The following PRKAR1B variants were observed in gnomAD, a reference collection of about 807,000 sequenced individuals.
The protein encoded by PRKAR1B is protein kinase cAMP-dependent type I regulatory subunit beta.
Under a neutral mutation model 46.5 loss-of-function variants are expected in PRKAR1B, and 22 were observed. The ratio of observed to expected loss-of-function variants is 0.47; its 90% confidence interval spans 0.34 to 0.68. The LOEUF is 0.68. PRKAR1B is among the 30% of genes least tolerant of loss of function. PRKAR1B has a pLI of 0.01. For synonymous variants in PRKAR1B, 259 were observed against 217.7 expected (o/e 1.19, Z -1.67); for missense variants, 445 against 535.6 (o/e 0.83, Z 1.67).
At chr7:712,062 G>C (rs551545350) in intron 1 of PRKAR1B, among the ~76,000 whole-genome samples, 19 of 151,556 alleles carry the variant, frequency 1.3e-4, no homozygotes, top group Admixed American at 5.2e-4. Context: ...TGGCGGTGGT[G>C]GGGGGGTGGG....
chr7:640,765 A>AACACACACACAAACAC (rs1784346214), intron 4 of PRKAR1B, among the ~76,000 whole-genome samples: 2 of 108,188 alleles, frequency 1.8e-5, no homozygotes, highest in African/African-American at 7.5e-5. Context: ...CTCTGTCTCA[A>AACACACACACAAACAC]ACACACACAC....
chr7:579,782 A>C (rs756163672), intron 8 of PRKAR1B, among the ~76,000 whole-genome samples: 7 of 152,220 alleles, frequency 4.6e-5, no homozygotes, highest in Non-Finnish European at 1.0e-4. Context: ...GCTAAGCACA[A>C]AGCCTACTAA....
rs559263175 is a variant in PRKAR1B, at chr7:567,840, AAGG to A, written c.891+11413_891+11415del. Among the ~76,000 whole-genome samples, 889 of 151,532 alleles carry A rather than the reference AAGG, an allele frequency of 5.9e-3. 7 individuals are homozygous for A. The highest frequency in any genetic ancestry group is 8.3e-3 in the Non-Finnish European group (562 of 67,680). Reference sequence around the variant, plus strand: ...TAGAGTTCAAACTCATAGAGACAGAAAGGAGAAGGGTGGTTCTACTTTCTAGAA... The same window carrying A: ...TAGAGTTCAAACTCATAGAGACAGAAAGAAGGGTGGTTCTACTTTCTAGAA... On this transcript the variant is annotated intron_variant, in intron 9 of 10. Coordinates refer to ENST00000537384, the MANE Select transcript of PRKAR1B (RefSeq NM_001164760.2).
intron 4 of PRKAR1B, among the ~76,000 whole-genome samples, chr7:663,590 G>A (rs1193711315): frequency 6.6e-6 from 1 of 152,174 alleles, no homozygotes; most frequent in Non-Finnish European, 1.5e-5. Flanking sequence ...TCTCGGTCAG[G>A]AGGGGAGGGG....
At chr7:656,694 T>C (rs1157687852) in intron 4 of PRKAR1B, among the ~76,000 whole-genome samples, 1 of 152,142 alleles carries the variant, frequency 6.6e-6, no homozygotes, top group Non-Finnish European at 1.5e-5. Flanking sequence ...CATGAGTGAA[T>C]GGATGGATAA....
intron 7 of PRKAR1B, 60 bp downstream of exon 7, chr7:596,086 C>T (rs1781252938): frequency 1.3e-6 from 2 of 1,572,624 alleles, no homozygotes; most frequent in Non-Finnish European, 8.7e-7. Flanking sequence ...AGCTAGGGTT[C>T]CCAGGGACGC....
chr7:617,175 G>A (rs1583308936), intron 4 of PRKAR1B, among the ~76,000 whole-genome samples: 1 of 151,958 alleles, frequency 6.6e-6, no homozygotes, highest in East Asian at 1.9e-4. Context: ...TGTGTTTTCA[G>A]TAGAGACAGG....
chr7:669,781 T>C (rs1026980508), intron 4 of PRKAR1B, among the ~76,000 whole-genome samples: 2 of 150,334 alleles, frequency 1.3e-5, no homozygotes, highest in African/African-American at 4.9e-5. Context: ...AAGAAAAGGT[T>C]AAAATTGCAA....
At chr7:551,189 G>A (rs927692952) in intron 10 of PRKAR1B, among the ~76,000 whole-genome samples, 200 bp downstream of exon 10, 2 of 152,074 alleles carry the variant, frequency 1.3e-5, no homozygotes, top group Admixed American at 6.5e-5. Flanking sequence ...CGTTGCTCCT[G>A]GGGACCCAGA....
chr7:582,112 G>A (rs547715863), intron 8 of PRKAR1B, among the ~76,000 whole-genome samples: 1 of 152,362 alleles, frequency 6.6e-6, no homozygotes, highest in South Asian at 2.1e-4. Flanking sequence ...ACCTGACAAG[G>A]GCAGCCTGCA....
chr7:574,039 G>C (rs776448999), intron 9 of PRKAR1B, among the ~76,000 whole-genome samples: 2 of 152,232 alleles, frequency 1.3e-5, no homozygotes, highest in Admixed American at 1.3e-4. Context: ...CCTCTGTTCA[G>C]GGGTGAGAAC....
chr7:576,483 C>T (rs1779843583), intron 9 of PRKAR1B, among the ~76,000 whole-genome samples: 1 of 152,190 alleles, frequency 6.6e-6, no homozygotes, highest in South Asian at 2.1e-4. Context: ...GCCTGCTGTA[C>T]TTTTAGGTTG....
At chr7:697,929 G>C (rs889212300) in intron 2 of PRKAR1B, among the ~76,000 whole-genome samples, 1 of 93,782 alleles carries the variant, frequency 1.1e-5, no homozygotes, top group African/African-American at 4.2e-5. Context: ...GAGGGGAGGG[G>C]AGGGAAGGGA....
At chr7:585,210 C>T (rs1780527836) in intron 7 of PRKAR1B, among the ~76,000 whole-genome samples, 1 of 152,160 alleles carries the variant, frequency 6.6e-6, no homozygotes, top group South Asian at 2.1e-4. Flanking sequence ...TCTTTAAGCA[C>T]ACACATCCCA....
At chr7:618,627 G>A (rs1164883028) in intron 4 of PRKAR1B, among the ~76,000 whole-genome samples, 1 of 152,186 alleles carries the variant, frequency 6.6e-6, no homozygotes, top group Non-Finnish European at 1.5e-5. Flanking sequence ...TTGAACTGCC[G>A]TTTTGTTTGC....
chr7:726,972 C>T (rs1781327820), intron 1 of PRKAR1B: 1 of 1,305,082 alleles, frequency 7.7e-7, no homozygotes, highest in Non-Finnish European at 9.8e-7. Flanking sequence ...TGCTGCGCTG[C>T]CTGAGCGACC....
intron 1 of PRKAR1B, among the ~76,000 whole-genome samples, chr7:726,373 G>C (rs1000710957): frequency 2.0e-5 from 3 of 152,160 alleles, no homozygotes; most frequent in African/African-American, 7.2e-5. Flanking sequence ...TCCCAGGCGG[G>C]ACCACTCAGG....
At chr7:583,098 C>G (rs928100573) in intron 8 of PRKAR1B, among the ~76,000 whole-genome samples, 45 of 151,978 alleles carry the variant, frequency 3.0e-4, no homozygotes, top group Non-Finnish European at 5.7e-4. Flanking sequence ...GGACGGGGCT[C>G]TGTCTCGGGT....
chr7:671,682 C>A (rs1038036050), intron 4 of PRKAR1B, among the ~76,000 whole-genome samples: 1 of 152,028 alleles, frequency 6.6e-6, no homozygotes, highest in African/African-American at 2.4e-5. Flanking sequence ...ATATTTGAAT[C>A]CCAGGAGGAC....
Sources: gnomAD v4.1 joint callset for allele counts (sites outside exome capture counted in the v4.1 genomes callset) on GRCh38, gnomAD v4.1.1 for gene constraint, MANE v1.5 for transcripts, NCBI Gene and HGNC (gene_info 2026-07-23, HGNC 2026-07-21) for gene names.